ZNF600: variants seen among roughly 807,000 people sequenced by gnomAD.
The protein encoded by ZNF600 is zinc finger protein KR-ZNF1.
In ZNF600, 4 loss-of-function variants were observed where a neutral mutation model predicts 7.3. The ratio of observed to expected loss-of-function variants is 0.55; its 90% confidence interval spans 0.27 to 1.25. The LOEUF is 1.25. Among genes scored for constraint, ZNF600 ranks in the 50% most tolerant of loss-of-function variants. The probability of loss-of-function intolerance (pLI) is 0.12; values close to 1 mark genes in which losing one functional copy is unlikely to be tolerated. For missense variants in ZNF600, 911 were observed against 922.1 expected, an observed-to-expected ratio of 0.99 and a Z score of 0.16; for synonymous variants, 290 against 308.9, an observed-to-expected ratio of 0.94 and a Z score of 0.64.
chr19:52,785,272 A>T, intron 1 of ZNF600, among the ~76,000 whole-genome samples: 1 of 144,412 alleles, frequency 6.9e-6, no homozygotes. Context: ...TTTGAGATGG[A>T]GTTTCACTCT....
At chr19:52,818,706 TA>T in the ZNF600 span, among the ~76,000 whole-genome samples, 1 of 82,654 alleles carries the variant, frequency 1.2e-5, no homozygotes, top group Admixed American at 1.1e-4. Flanking sequence ...GACTCAAAAA[TA>T]AAAAAATACA....
upstream of ZNF600, among the ~76,000 whole-genome samples, chr19:52,790,120 T>C (rs1185989113): frequency 6.6e-6 from 1 of 152,198 alleles, no homozygotes; most frequent in Non-Finnish European, 1.5e-5. Flanking sequence ...GGGCAGGGCA[T>C]ATTCACTTCT....
the ZNF600 span, among the ~76,000 whole-genome samples, chr19:52,817,551 G>T: frequency 0.62 from 94,360 of 151,340 alleles, 30,639 homozygotes; most frequent in Non-Finnish European, 0.73. Context: ...TTCTAGAATT[G>T]ACCACGTACT....
chr19:52,810,314 C>A, the ZNF600 span: 1 of 1,585,852 alleles, frequency 6.3e-7, no homozygotes, highest in Non-Finnish European at 8.6e-7. Context: ...CCCGTTCCAT[C>A]AATGCTGGCA....
the ZNF600 span, among the ~76,000 whole-genome samples, chr19:52,824,061 G>A: frequency 5.9e-5 from 9 of 151,270 alleles, no homozygotes; most frequent in East Asian, 3.9e-4. Flanking sequence ...GTGAAACTCC[G>A]TCTCAAAAAC....
intron 1 of ZNF600, among the ~76,000 whole-genome samples, chr19:52,785,312 A>G (rs1423794100): frequency 5.4e-5 from 8 of 149,084 alleles, no homozygotes; most frequent in Non-Finnish European, 8.9e-5. Flanking sequence ...CACCGGTGCG[A>G]TCTTGGCTCT....
chr19:52,795,528 G>A, the ZNF600 span, among the ~76,000 whole-genome samples: 2 of 152,030 alleles, frequency 1.3e-5, no homozygotes, highest in East Asian at 1.9e-4. Context: ...ATGTGACTTC[G>A]TAAGATTATA....
At position 52,782,255 on chromosome 19, in the gene ZNF600, A is replaced by G. The variant is rs575639760; in HGVS notation, c.-19-3348T>C. Among the ~76,000 whole-genome samples, 6 of 152,260 alleles carry G rather than the reference A, an allele frequency of 3.9e-5. No individual in the cohort carries two copies. The East Asian group carries it at 7.7e-4, about 20-fold the overall frequency. Reference sequence around the variant, plus strand: ...ATAAAAATTAAAGGCTGGACGCAGCAGCTCATGCCTGTAATCACAGCACCT... The same window carrying G: ...ATAAAAATTAAAGGCTGGACGCAGCGGCTCATGCCTGTAATCACAGCACCT... On this transcript the variant is annotated intron_variant, in intron 1 of 3. Transcript: ENST00000648973.
the ZNF600 span, among the ~76,000 whole-genome samples, chr19:52,819,584 C>T: frequency 0.02 from 1,105 of 56,176 alleles, 202 homozygotes; most frequent in Middle Eastern, 0.058. Context: ...GCAGGGGAGG[C>T]TCACTGGGGC....
chr19:52,830,868 C>T, the ZNF600 span, among the ~76,000 whole-genome samples: 2 of 141,880 alleles, frequency 1.4e-5, no homozygotes, highest in Non-Finnish European at 3.0e-5. Flanking sequence ...TTTGTGCATG[C>T]ACATCTGTGG....
the ZNF600 span, chr19:52,798,346 C>G: frequency 1.2e-5 from 4 of 336,060 alleles, no homozygotes; most frequent in South Asian, 7.7e-5. Flanking sequence ...TGCTTAAACT[C>G]AATGTTAAGT....
At chr19:52,779,069 A>G (rs1050165980) in intron 1 of ZNF600, among the ~76,000 whole-genome samples, 162 bp from the exon 4 acceptor site, 3 of 152,180 alleles carry the variant, frequency 2.0e-5, no homozygotes, top group African/African-American at 4.8e-5. Flanking sequence ...AGGACGACCT[A>G]TAAGTGTGTT....
exon 4 of ZNF600, chr19:52,765,365 C>T: frequency 1.3e-6 from 1 of 788,888 alleles, no homozygotes; most frequent in Non-Finnish European, 2.2e-6. Context: ...TATGAATTCT[C>T]CTATGTTTTG....
the ZNF600 span, among the ~76,000 whole-genome samples, chr19:52,814,746 A>G: frequency 0.066 from 9,565 of 145,730 alleles, 1,416 homozygotes; most frequent in African/African-American, 0.14. Flanking sequence ...AATTATCTGG[A>G]CATGGTGGCA....
the ZNF600 span, among the ~76,000 whole-genome samples, chr19:52,820,243 G>C: frequency 7.4e-6 from 1 of 134,970 alleles, no homozygotes; most frequent in Non-Finnish European, 1.5e-5. Context: ...TCAGCCTCCC[G>C]AGTAGCTGGG....
the ZNF600 span, among the ~76,000 whole-genome samples, chr19:52,811,898 GC>G: frequency 1.6e-5 from 2 of 121,904 alleles, no homozygotes; most frequent in Non-Finnish European, 3.4e-5. Flanking sequence ...GGGGGGGACA[GC>G]CCCCCGCCCG....
At chr19:52,806,083 A>C in the ZNF600 span, 6 of 152,252 alleles carry the variant, frequency 3.9e-5, no homozygotes, top group Admixed American at 3.9e-4. Flanking sequence ...AAAAGGCATG[A>C]AAAACACTGT....
intron 2 of ZNF600, 43 bp from the exon 5 acceptor site, chr19:52,774,744 G>C: frequency 3.0e-6 from 3 of 985,382 alleles, no homozygotes; most frequent in East Asian, 1.1e-4. Context: ...ATGGAGGATT[G>C]AGTTATCACC....
the ZNF600 span, chr19:52,799,371 T>C: frequency 1.7e-6 from 1 of 579,214 alleles, no homozygotes; most frequent in Non-Finnish European, 3.1e-6. Flanking sequence ...CTCTTCAGCA[T>C]GCATTTTCTT....
Sources: allele counts gnomAD v4.1 joint callset (sites outside exome capture counted in the v4.1 genomes callset), GRCh38; gene constraint gnomAD v4.1.1; transcripts MANE v1.5; gene names NCBI Gene and HGNC (gene_info 2026-07-23, HGNC 2026-07-21).